The following SLC35F4 variants were observed in gnomAD, a reference collection of about 807,000 sequenced individuals.
SLC35F4 encodes the protein solute carrier family 35 member F4, also known as chromosome 14 open reading frame 36.
A neutral mutation model predicts 44.2 loss-of-function variants in SLC35F4; 24 were observed. That is an observed-to-expected ratio of 0.54 (90% CI 0.39 to 0.76). SLC35F4 has a LOEUF of 0.76. SLC35F4 is among the 30% of genes least tolerant of loss of function. The pLI, the probability that SLC35F4 is intolerant of heterozygous loss-of-function variation, is 0.00. For synonymous variants in SLC35F4, 238 were observed against 223.6 expected, an observed-to-expected ratio of 1.06 and a Z score of -0.57; for missense variants, 562 against 586.1, an observed-to-expected ratio of 0.96 and a Z score of 0.42.
intron 1 of SLC35F4, among the ~76,000 whole-genome samples, chr14:57,636,178 G>A (rs1594658821): frequency 6.6e-6 from 1 of 152,190 alleles, no homozygotes; most frequent in East Asian, 1.9e-4. Flanking sequence ...TTAATTCTCT[G>A]CAGAAACCCA....
Position 57,593,925 on chromosome 14 carries a change from G to C in SLC35F4, c.289+14C>G, listed in dbSNP as rs757237687. The C allele has an allele frequency of 1.9e-6, 3 of 1,612,120 alleles. No homozygotes were observed. Among genetic ancestry groups the C allele is most frequent in the Non-Finnish European group, 2.5e-6 (3 of 1,179,208 alleles). On this transcript the variant is annotated intron_variant, in intron 2 of 7. Transcript: ENST00000556826. ...TAGGATGTACCGTTATTTAAGAGGA[G>C]GTCACCCACATACCTGATCTGTTCT... is the stretch of plus-strand genomic sequence containing the variant.
chr14:57,650,119 G>A lies in SLC35F4; in HGVS notation c.104-55995C>T, dbSNP rs868861428. 1.1e-3 allele frequency among the ~76,000 whole-genome samples: 168 copies of A among 151,994 alleles called. 2 individuals carry two copies. Among genetic ancestry groups the A allele is most frequent in the African/African-American group, 3.9e-3 (162 of 41,456 alleles). ...ACTTCTCCACCTTATCATTAATGTT[G>A]GAGCGCCCGAGGTCTGGTCCAGGGT... On this transcript the variant is annotated intron_variant, in intron 1 of 7. Coordinates refer to ENST00000556826, the MANE Select transcript of SLC35F4 (RefSeq NM_001306087.2).
chr14:57,717,766 G>A (rs754503205), intron 1 of SLC35F4, among the ~76,000 whole-genome samples: 3 of 151,918 alleles, frequency 2.0e-5, no homozygotes, highest in Non-Finnish European at 4.4e-5. Context: ...TGGAGTACAC[G>A]AGATATTTTG....
chr14:57,601,355 CAT>C (rs1367688225), intron 1 of SLC35F4, among the ~76,000 whole-genome samples: 5 of 151,976 alleles, frequency 3.3e-5, no homozygotes, highest in South Asian at 4.1e-4. Context: ...TCAGAGGACA[CAT>C]GTGCATATTT....
chr14:57,627,050 A>G (rs1283448137), intron 1 of SLC35F4, among the ~76,000 whole-genome samples: 1 of 152,124 alleles, frequency 6.6e-6, no homozygotes, highest in East Asian at 1.9e-4. Context: ...ACTCCAATAA[A>G]TGAAATTCAC....
intron 1 of SLC35F4, among the ~76,000 whole-genome samples, chr14:57,732,171 G>A (rs1485781246): frequency 6.6e-6 from 1 of 152,014 alleles, no homozygotes; most frequent in Non-Finnish European, 1.5e-5. Context: ...TTTCTGTTTT[G>A]AGCTTTATTT....
intron 1 of SLC35F4, among the ~76,000 whole-genome samples, chr14:57,939,777 G>T (rs1889882634): frequency 6.6e-6 from 1 of 152,156 alleles, no homozygotes; most frequent in Admixed American, 6.5e-5. Flanking sequence ...ACAAAATAAA[G>T]ATATTACATT....
rs12435912 is a variant in SLC35F4 at position 57,937,257 on chromosome 14, G to A, written n.282+44656C>T. Among the ~76,000 whole-genome samples, 81 of 152,072 alleles carry A rather than the reference G, an allele frequency of 5.3e-4. 1 individual carries two copies. The highest frequency in any genetic ancestry group is 3.1e-3 in the East Asian group (16 of 5,146). On this transcript the variant is annotated intron_variant and non_coding_transcript_variant, in intron 1 of 1. Transcript: ENST00000556568. ...TAATTTTTGTATTTTTACCAGAGAC[G>A]GGGTTTCTCAATGTCGGTCAGGCTG...
At chr14:57,836,105 G>A (rs965570863) in intron 1 of SLC35F4, among the ~76,000 whole-genome samples, 2 of 152,128 alleles carry the variant, frequency 1.3e-5, no homozygotes, top group African/African-American at 2.4e-5. Flanking sequence ...AAGGACCTTT[G>A]ATTTCTCAAT....
chr14:57,705,913 T>C (rs910740963), intron 1 of SLC35F4, among the ~76,000 whole-genome samples: 28 of 152,206 alleles, frequency 1.8e-4, no homozygotes, highest in African/African-American at 6.5e-4. Context: ...TCTTCAACTT[T>C]TCCCACTTCA....
Position 57,619,478 on chromosome 14 carries a change from A to G in SLC35F4, c.104-25354T>C, listed in dbSNP as rs556499664. 3.3e-5 allele frequency among the ~76,000 whole-genome samples: 5 copies of G among 152,278 alleles called. No homozygotes were observed. In the South Asian group the frequency reaches 1.0e-3, roughly 32 times the overall value. ...GGCTGTTAGAAGGAAAACTAACAAAAAGAAAGGAATAGCATCAACATCAAC... is the reference window on the plus strand; with the variant it reads ...GGCTGTTAGAAGGAAAACTAACAAAGAGAAAGGAATAGCATCAACATCAAC... On this transcript the variant is annotated intron_variant, in intron 1 of 7. Transcript: ENST00000556826.
intron 3 of SLC35F4, among the ~76,000 whole-genome samples, chr14:57,586,358 C>A (rs978617262): frequency 3.3e-5 from 5 of 152,042 alleles, no homozygotes; most frequent in Non-Finnish European, 5.9e-5. Flanking sequence ...AACGTAAGAC[C>A]TAAAACCATA....
At chr14:57,588,987 C>T (rs1421970732) in intron 3 of SLC35F4, among the ~76,000 whole-genome samples, 1 of 152,098 alleles carries the variant, frequency 6.6e-6, no homozygotes, top group Non-Finnish European at 1.5e-5. Context: ...ATGTTACCAC[C>T]GGTCATAATA....
At chr14:57,754,976 G>A (rs576400593) in intron 1 of SLC35F4, among the ~76,000 whole-genome samples, 1 of 152,308 alleles carries the variant, frequency 6.6e-6, no homozygotes, top group South Asian at 2.1e-4. Context: ...TGGCAAGAGA[G>A]TCAGTCTGCC....
rs533207605 is a variant in SLC35F4 at position 57,741,912 on chromosome 14, C to A, written c.103+123811G>T. Among the ~76,000 whole-genome samples, 599 of 152,222 alleles carry A rather than the reference C, an allele frequency of 3.9e-3. 5 individuals carry two copies. Among genetic ancestry groups the A allele is most frequent in the African/African-American group, 0.014 (566 of 41,536 alleles). ...CTACAAGCCAGAAGAGAGTGGGGGC[C>A]AATATTCAACATTCTCAAAGAAAGG... On this transcript the variant is annotated intron_variant, in intron 1 of 7. Coordinates refer to ENST00000556826, the MANE Select transcript of SLC35F4 (RefSeq NM_001306087.2).
At chr14:57,923,513 T>G (rs1478526253) in intron 1 of SLC35F4, among the ~76,000 whole-genome samples, 1 of 152,172 alleles carries the variant, frequency 6.6e-6, no homozygotes, top group African/African-American at 2.4e-5. Flanking sequence ...CAACCAACAA[T>G]GTACAAAATA....
intron 1 of SLC35F4, among the ~76,000 whole-genome samples, chr14:57,856,034 G>T (rs1267739437): frequency 6.6e-6 from 1 of 151,852 alleles, no homozygotes. Context: ...CACTGTCGGG[G>T]GTTGCTGTGT....
intron 1 of SLC35F4, among the ~76,000 whole-genome samples, chr14:57,696,023 G>C (rs1006702667): frequency 2.6e-5 from 4 of 151,984 alleles, no homozygotes; most frequent in Non-Finnish European, 5.9e-5. Flanking sequence ...CATAGGCATG[G>C]GCAAAGACTT....
intron 1 of SLC35F4, among the ~76,000 whole-genome samples, chr14:57,600,285 T>G (rs1332676273): frequency 6.6e-6 from 1 of 152,220 alleles, no homozygotes; most frequent in Non-Finnish European, 1.5e-5. Context: ...ACTAAGATAT[T>G]ATAATCACTA....
Sources: gnomAD v4.1 joint callset for allele counts (sites outside exome capture counted in the v4.1 genomes callset) on GRCh38, gnomAD v4.1.1 for gene constraint, MANE v1.5 for transcripts, NCBI Gene and HGNC (gene_info 2026-07-23, HGNC 2026-07-21) for gene names.